The following ARHGAP39 variants were observed in gnomAD, a reference collection of about 807,000 sequenced individuals.
ARHGAP39 encodes the protein Rho GTPase activating protein 39.
ARHGAP39 carries 44 observed loss-of-function variants against 106.9 expected under a neutral mutation model. That is an observed-to-expected ratio of 0.41 (90% CI 0.32 to 0.53). The LOEUF (loss-of-function observed/expected upper bound fraction) is 0.53. Among genes scored for constraint, ARHGAP39 ranks in the 20% least tolerant of loss-of-function variants. The probability of loss-of-function intolerance (pLI) is 0.21; values close to 1 mark genes in which losing one functional copy is unlikely to be tolerated. For missense variants in ARHGAP39, 1,496 were observed against 1,577.3 expected (o/e 0.95, Z 0.87); for synonymous variants, 768 against 693.2 (o/e 1.11, Z -1.69).
chr8:144,658,854 A>AACC (rs1485254712), intron 1 of ARHGAP39, among the ~76,000 whole-genome samples: 7 of 152,212 alleles, frequency 4.6e-5, no homozygotes, highest in African/African-American at 1.7e-4. Context: ...TTAAAACATT[A>AACC]AATATTAATG....
chr8:144,582,082 G>C (rs1201803785), intron 2 of ARHGAP39, among the ~76,000 whole-genome samples: 1 of 152,228 alleles, frequency 6.6e-6, no homozygotes, highest in Admixed American at 6.5e-5. Flanking sequence ...CCATCACCGG[G>C]CTGGTGAGGG....
chr8:144,677,089 C>T (rs987354189), intron 1 of ARHGAP39, among the ~76,000 whole-genome samples: 3 of 152,222 alleles, frequency 2.0e-5, no homozygotes, highest in African/African-American at 4.8e-5. Flanking sequence ...AAGGTTCACA[C>T]ACGTTATAAC....
intron 1 of ARHGAP39, among the ~76,000 whole-genome samples, chr8:144,681,497 G>A (rs1269007582): frequency 6.6e-6 from 1 of 152,238 alleles, no homozygotes; most frequent in Non-Finnish European, 1.5e-5. Context: ...AGGCACAGCA[G>A]AGGGGCTTTG....
At chr8:144,575,313 T>C (rs895078507) in intron 3 of ARHGAP39, among the ~76,000 whole-genome samples, 1 of 152,236 alleles carries the variant, frequency 6.6e-6, no homozygotes, top group Non-Finnish European at 1.5e-5. Context: ...AAATTTAGTT[T>C]ACTGTAACTT....
At chr8:144,590,813 C>T (rs1230867524) in intron 2 of ARHGAP39, among the ~76,000 whole-genome samples, 1 of 152,100 alleles carries the variant, frequency 6.6e-6, no homozygotes, top group Non-Finnish European at 1.5e-5. Context: ...ATGGAGACCC[C>T]AGCCAGGCCA....
At chr8:144,694,587 A>T in the ARHGAP39 span, among the ~76,000 whole-genome samples, 1 of 152,242 alleles carries the variant, frequency 6.6e-6, no homozygotes, top group South Asian at 2.1e-4. Flanking sequence ...GTGCGGTAGT[A>T]ACAACTCCCA....
chr8:144,600,604 T>C (rs372100360), intron 2 of ARHGAP39, among the ~76,000 whole-genome samples: 13 of 109,730 alleles, frequency 1.2e-4, no homozygotes, highest in Non-Finnish European at 1.7e-4. Flanking sequence ...GTGTGCGTGT[T>C]CGTGGAGGCG....
Position 144,530,084 on chromosome 8 carries a change from G to C in ARHGAP39, c.*338C>G, listed in dbSNP as rs1586864906. 9.9e-6 allele frequency: 3 copies of C among 302,050 alleles called. No individual in the cohort carries two copies. In the East Asian group the frequency reaches 2.2e-4, roughly 22 times the overall value. 18.7% of individuals were successfully genotyped at this position (302,050 alleles called of 1,614,324 possible). On this transcript the variant is annotated 3_prime_UTR_variant, in exon 12 of 12. Coordinates refer to ENST00000377307, the MANE Select transcript of ARHGAP39 (RefSeq NM_025251.3). ...AGGCCAGGGCGCGCAGGAGCCACAGGGAGGCAGCCCGGCCCCAAGGAGGCA... is the reference window on the plus strand; with the variant it reads ...AGGCCAGGGCGCGCAGGAGCCACAGCGAGGCAGCCCGGCCCCAAGGAGGCA...
chr8:144,555,684 A>C, intron 3 of ARHGAP39, 41 bp from the exon 4 acceptor site: 1 of 1,558,344 alleles, frequency 6.4e-7, no homozygotes, highest in African/African-American at 1.4e-5. Context: ...ATATAAGTGC[A>C]ATCGTTTACC....
chr8:144,669,652 T>TA (rs1421213325), intron 1 of ARHGAP39, among the ~76,000 whole-genome samples: 2 of 151,740 alleles, frequency 1.3e-5, no homozygotes, highest in South Asian at 4.2e-4. Context: ...ACAGAATATA[T>TA]AAAAAACACA....
At chr8:144,648,949 G>A (rs927950970) in intron 1 of ARHGAP39, among the ~76,000 whole-genome samples, 1 of 151,870 alleles carries the variant, frequency 6.6e-6, no homozygotes, top group Non-Finnish European at 1.5e-5. Context: ...AAGAATCAGA[G>A]GGCAAGAGCA....
At chr8:144,608,156 CAAAAAAAAA>C (rs60966946) in intron 1 of ARHGAP39, among the ~76,000 whole-genome samples, 6 of 96,334 alleles carry the variant, frequency 6.2e-5, no homozygotes, top group African/African-American at 9.2e-5. Context: ...GACTCTGTCT[CAAAAAAAAA>C]AAAAAAAAAA....
chr8:144,682,410 G>C (rs535883491), intron 1 of ARHGAP39, among the ~76,000 whole-genome samples: 1 of 150,904 alleles, frequency 6.6e-6, no homozygotes, highest in Non-Finnish European at 1.5e-5. Context: ...TTAGCCAGGC[G>C]TGGTGGCAGG....
At chr8:144,558,754 A>C (rs2130863564) in intron 3 of ARHGAP39, among the ~76,000 whole-genome samples, 1 of 152,300 alleles carries the variant, frequency 6.6e-6, no homozygotes, top group Admixed American at 6.5e-5. Flanking sequence ...TAATACAGAA[A>C]GGATGATATA....
At chr8:144,656,992 T>C (rs1008470153) in intron 1 of ARHGAP39, among the ~76,000 whole-genome samples, 20 of 152,146 alleles carry the variant, frequency 1.3e-4, no homozygotes, top group African/African-American at 4.3e-4. Flanking sequence ...ATGTATCTAT[T>C]TAATAAATTG....
At chr8:144,533,891 G>A (rs1025935993) in intron 8 of ARHGAP39, among the ~76,000 whole-genome samples, 2 of 152,222 alleles carry the variant, frequency 1.3e-5, no homozygotes. Flanking sequence ...GACTGAGCCC[G>A]TTGCCTGCCT....
chr8:144,600,971 T>G (rs1026059094), intron 2 of ARHGAP39, among the ~76,000 whole-genome samples: 1 of 143,460 alleles, frequency 7.0e-6, no homozygotes, highest in Non-Finnish European at 1.5e-5. Flanking sequence ...TGTGTGCATG[T>G]GCGTGGAGGT....
At chr8:144,678,369 A>G (rs1326174857) in intron 1 of ARHGAP39, among the ~76,000 whole-genome samples, 1 of 152,174 alleles carries the variant, frequency 6.6e-6, no homozygotes, top group African/African-American at 2.4e-5. Context: ...GACCAAAAGC[A>G]CCACCTAGAG....
chr8:144,630,742 CTAGG>C (rs1821039771), intron 1 of ARHGAP39, among the ~76,000 whole-genome samples: 1 of 152,266 alleles, frequency 6.6e-6, no homozygotes, highest in African/African-American at 2.4e-5. Flanking sequence ...CTCTCTTTCG[CTAGG>C]TGAGAGGTGC....
Sources: gnomAD v4.1 joint callset for allele counts (sites outside exome capture counted in the v4.1 genomes callset) on GRCh38, gnomAD v4.1.1 for gene constraint, MANE v1.5 for transcripts, NCBI Gene and HGNC (gene_info 2026-07-23, HGNC 2026-07-21) for gene names.